The following ELK3 variants were observed in gnomAD, a reference collection of about 807,000 sequenced individuals.
The protein encoded by ELK3 is ETS domain-containing protein Elk-3.
ELK3 carries 10 observed loss-of-function variants against 28.9 expected under a neutral mutation model. The ratio of observed to expected loss-of-function variants is 0.35; its 90% CI spans 0.21 to 0.59. The LOEUF is 0.59. Ranked by LOEUF, ELK3 falls within the 20% of genes least tolerant of loss-of-function variation. The probability of loss-of-function intolerance (pLI) is 0.82; values close to 1 mark genes in which losing one functional copy is unlikely to be tolerated. For missense variants in ELK3, 463 were observed against 517.3 expected, an observed-to-expected ratio of 0.90 and a Z score of 1.02; for synonymous variants, 272 against 243.5, an observed-to-expected ratio of 1.12 and a Z score of -1.09.
At chr12:96,249,673 C>T (rs1233462388) in intron 3 of ELK3, among the ~76,000 whole-genome samples, 1 of 37,850 alleles carries the variant, frequency 2.6e-5, no homozygotes, top group Non-Finnish European at 6.1e-5. Context: ...GTCTGTGTTC[C>T]CTGGGAGCCT....
intron 2 of ELK3, among the ~76,000 whole-genome samples, chr12:96,243,736 C>CA (rs1378918265): frequency 2.0e-5 from 3 of 151,728 alleles, no homozygotes; most frequent in Admixed American, 6.6e-5. Context: ...CCCAGCTACT[C>CA]AGAGGCTGAG....
At chr12:96,216,054 T>G (rs575266534) in intron 1 of ELK3, among the ~76,000 whole-genome samples, 48 of 152,210 alleles carry the variant, frequency 3.2e-4, no homozygotes, top group Non-Finnish European at 2.2e-4. Context: ...AGGTCAAGCG[T>G]TTTACTCTCG....
intron 4 of ELK3, among the ~76,000 whole-genome samples, chr12:96,266,175 T>C (rs1008671467): frequency 1.1e-4 from 16 of 152,296 alleles, no homozygotes; most frequent in African/African-American, 3.4e-4. Flanking sequence ...TGTTTGAAAA[T>C]TGCAAAAACA....
intron 2 of ELK3, among the ~76,000 whole-genome samples, chr12:96,232,634 CG>C (rs1268853368): frequency 1.6e-5 from 2 of 126,558 alleles, no homozygotes; most frequent in East Asian, 4.6e-4. Flanking sequence ...GGGGAGGGGG[CG>C]GGGAATGCTC....
chr12:96,234,471 A>G (rs899282034), intron 2 of ELK3, among the ~76,000 whole-genome samples: 2 of 152,048 alleles, frequency 1.3e-5, no homozygotes, highest in Admixed American at 6.5e-5. Context: ...AAACTCCAAC[A>G]TTCACAGCAT....
At position 96,203,640 on chromosome 12, in the gene ELK3, T is replaced by A. The variant is rs576760818; in HGVS notation, c.-3+8935T>A. Reference sequence around the variant, plus strand: ...TACTTGGATGAATAGGCAGATCTCTTGGTTAAACCATAAAGACAGGCTGGG... The same window carrying A: ...TACTTGGATGAATAGGCAGATCTCTAGGTTAAACCATAAAGACAGGCTGGG... On this transcript the variant is annotated intron_variant, in intron 1 of 4. Coordinates refer to ENST00000228741, the MANE Select transcript of ELK3 (RefSeq NM_005230.4). 8.5e-5 allele frequency among the ~76,000 whole-genome samples: 13 copies of A among 152,258 alleles called. No homozygotes were observed. In the South Asian group the frequency reaches 2.7e-3, roughly 32 times the overall value.
intron 2 of ELK3, among the ~76,000 whole-genome samples, chr12:96,241,919 C>T (rs560724903): frequency 6.6e-5 from 10 of 152,220 alleles, no homozygotes; most frequent in Non-Finnish European, 1.5e-4. Context: ...ACATGGAATG[C>T]CTGCCGGGCA....
At chr12:96,217,592 T>C (rs1592674524) in intron 1 of ELK3, among the ~76,000 whole-genome samples, 1 of 152,204 alleles carries the variant, frequency 6.6e-6, no homozygotes, top group African/African-American at 2.4e-5. Context: ...CATTTTGATA[T>C]CTGTATGAGA....
At chr12:96,208,498 G>T (rs986825149) in intron 1 of ELK3, among the ~76,000 whole-genome samples, 4 of 152,244 alleles carry the variant, frequency 2.6e-5, no homozygotes, top group African/African-American at 9.6e-5. Flanking sequence ...GCCACTGCCA[G>T]GGCTTTCTGT....
chr12:96,194,615 C>T lies in ELK3; in HGVS notation c.-93C>T, dbSNP rs1032492271. 1.3e-5 allele frequency: 2 copies of T among 150,058 alleles called. No homozygotes were observed. Among genetic ancestry groups the T allele is most frequent in the African/African-American group, 4.9e-5 (2 of 41,148 alleles). The allele number at this position is 150,058 out of a possible 1,614,324, so 9.3% of individuals were successfully genotyped here. A position where few individuals can be genotyped will look rare whatever the true frequency, so the allele number is the denominator to read the frequency against. ...GGATCTCATTACAAGAGCCACAGACCGTCTGCAGACGCCTGTCAGCATGGA... is the reference window on the plus strand; with the variant it reads ...GGATCTCATTACAAGAGCCACAGACTGTCTGCAGACGCCTGTCAGCATGGA... On this transcript the variant is annotated 5_prime_UTR_variant, in exon 1 of 5. Coordinates refer to ENST00000228741, the MANE Select transcript of ELK3 (RefSeq NM_005230.4).
At position 96,247,114 on chromosome 12, in the gene ELK3, G is replaced by A. The variant is rs202181482; in HGVS notation, c.382G>A (p.Ala128Thr). The stretch of plus-strand genomic sequence containing the variant: ...CGAGGCCCACAAACACGGCCTGGCC[G>A]CCCTCAGAAGCACGAGCCGCAACGA... ...GREAHKHGLA[A>T]LRSTSRNEYI... Residue 128 changes from alanine to threonine, a missense_variant, in exon 3 of 5, where the codon GCC becomes ACC. Around this residue, in one of 2 missense-constraint regions of ELK3, gnomAD observed 408 missense variants for 414.8 expected, o/e 0.98. Coordinates refer to ENST00000228741, the MANE Select transcript of ELK3 (RefSeq NM_005230.4). The surrounding 1 kb of genome is among the most constrained non-coding windows in gnomAD (Gnocchi z 5.5). 33 of 1,612,128 alleles carry A rather than the reference G, an allele frequency of 2.0e-5. No individual in the cohort carries two copies. Among genetic ancestry groups the A allele is most frequent in the East Asian group, 2.2e-5 (1 of 44,740 alleles).
chr12:96,213,773 T>A (rs1951591887), intron 1 of ELK3: 1 of 152,210 alleles, frequency 6.6e-6, no homozygotes, highest in African/African-American at 2.4e-5. Context: ...TTGCCCAGGC[T>A]GGGGTGCAGT....
At position 96,247,093 on chromosome 12, in the gene ELK3, G is replaced by T; in HGVS notation, c.361G>T (p.Ala121Ser). The T allele has an allele frequency of 6.2e-7, 1 of 1,613,678 alleles. No homozygotes were observed. The highest frequency in any genetic ancestry group is 8.5e-7 in the Non-Finnish European group (1 of 1,179,916). Residue 121 changes from alanine (A) to serine (S), a missense_variant, in exon 3 of 5, where the codon GCC (alanine) becomes TCC (serine). Physicochemically the swap from Ala to Ser is moderately conservative, Grantham distance 99. Transcript: ENST00000228741. This position sits in a 1 kb window ranked among gnomAD's most constrained non-coding sequence, Gnocchi z 5.5. ...DCKASPEGRE[A>S]HKHGLAALRS... ...CAAGGCGTCTCCGGAGGGCCGCGAG[G>T]CCCACAAACACGGCCTGGCCGCCCT...
chr12:96,244,524 TTC>T (rs772792869), intron 2 of ELK3, among the ~76,000 whole-genome samples: 78 of 152,188 alleles, frequency 5.1e-4, no homozygotes, highest in Non-Finnish European at 1.0e-3. Context: ...ATCCTTTTTC[TTC>T]TGTGTTTTTA....
At chr12:96,250,382 G>A (rs191975060) in intron 3 of ELK3, among the ~76,000 whole-genome samples, 1 of 152,314 alleles carries the variant, frequency 6.6e-6, no homozygotes, top group East Asian at 1.9e-4. Flanking sequence ...GTTTCACCCA[G>A]GCGGATTCCC....
At chr12:96,220,256 C>T (rs1425050516) in intron 1 of ELK3, among the ~76,000 whole-genome samples, 1 of 151,806 alleles carries the variant, frequency 6.6e-6, no homozygotes, top group Non-Finnish European at 1.5e-5. Context: ...TTCTTTCTTT[C>T]TCTCCTTCTA....
intron 2 of ELK3, among the ~76,000 whole-genome samples, chr12:96,243,222 T>A (rs1163709283): frequency 6.6e-6 from 1 of 152,226 alleles, no homozygotes; most frequent in African/African-American, 2.4e-5. Context: ...GTTCAGTGGC[T>A]CTGAGTATAG....
intron 4 of ELK3, among the ~76,000 whole-genome samples, chr12:96,263,155 C>T (rs1952006305): frequency 6.6e-6 from 1 of 152,018 alleles, no homozygotes. Context: ...CATTTTTGTA[C>T]AGAAGGGCCC....
intron 4 of ELK3, 141 bp downstream of exon 4, chr12:96,259,994 T>G: frequency 1.7e-6 from 2 of 1,153,968 alleles, no homozygotes; most frequent in Non-Finnish European, 2.3e-6. Context: ...GTTAGTGGGG[T>G]TGCACGCCCT....
Sources: allele counts gnomAD v4.1 joint callset (sites outside exome capture counted in the v4.1 genomes callset), GRCh38; gene constraint gnomAD v4.1.1; regional missense constraint gnomAD v4.1.1; non-coding constraint Gnocchi (gnomAD v3.1); transcripts MANE v1.5; gene names NCBI Gene and HGNC (gene_info 2026-07-23, HGNC 2026-07-21).